Variants in COL21A1 observed in about 807,000 individuals in gnomAD.
COL21A1 encodes the protein collagen alpha-1(XXI) chain.
COL21A1 carries 149 observed loss-of-function variants against 137.9 expected under a neutral mutation model. The ratio of observed to expected loss-of-function variants is 1.08; its 90% CI spans 0.95 to 1.24. COL21A1 has a LOEUF of 1.24. Among genes scored for constraint, COL21A1 ranks in the 50% most tolerant of loss-of-function variants. COL21A1 has a pLI of 0.00. For missense variants in COL21A1, 1,167 were observed against 1,158.4 expected (o/e 1.01, Z -0.11); for synonymous variants, 456 against 391.5 (o/e 1.16, Z -1.95).
At chr6:56,304,120 T>C (rs1441093567) in intron 1 of COL21A1, among the ~76,000 whole-genome samples, 1 of 152,260 alleles carries the variant, frequency 6.6e-6, no homozygotes, top group Admixed American at 6.5e-5. Flanking sequence ...GACGTGCTGC[T>C]GGATTCGGTT....
chr6:56,310,629 T>C (rs1240947283), intron 1 of COL21A1, among the ~76,000 whole-genome samples: 1 of 152,192 alleles, frequency 6.6e-6, no homozygotes, highest in Admixed American at 6.5e-5. Context: ...TTAAATCTCT[T>C]TTTATTTTTA....
intron 1 of COL21A1, among the ~76,000 whole-genome samples, chr6:56,255,771 G>A (rs1782954595): frequency 6.6e-6 from 1 of 152,196 alleles, no homozygotes; most frequent in African/African-American, 2.4e-5. Context: ...AAAAGCTCAT[G>A]TCTGATAAGC....
intron 1 of COL21A1, among the ~76,000 whole-genome samples, chr6:56,290,796 G>T (rs772397370): frequency 3.3e-5 from 5 of 152,084 alleles, no homozygotes; most frequent in African/African-American, 1.2e-4. Context: ...CACCACGCCC[G>T]GCCAGGAAGA....
chr6:56,057,549 C>A lies in COL21A1; in HGVS notation c.*108G>T. The A allele has an allele frequency of 1.0e-6, 1 of 991,644 alleles. No homozygotes were observed. Among genetic ancestry groups the A allele is most frequent in the South Asian group, 1.5e-5 (1 of 65,630 alleles). 61.4% of individuals were successfully genotyped at this position (991,644 alleles called of 1,614,324 possible). A position where few individuals can be genotyped will look rare whatever the true frequency, so the allele number is the denominator to read the frequency against. On this transcript the variant is annotated 3_prime_UTR_variant, in exon 30 of 30. Coordinates refer to ENST00000244728, the MANE Select transcript of COL21A1 (RefSeq NM_030820.4). ...CATAAGAAAAAAAAAATAAAAACAC[C>A]GAGGTACTTAAGTTTCTTTTCAAGG...
chr6:56,368,794 G>A (rs2152349771), intron 1 of COL21A1, among the ~76,000 whole-genome samples: 1 of 152,296 alleles, frequency 6.6e-6, no homozygotes, highest in South Asian at 2.1e-4. Flanking sequence ...CAGTGGTGCT[G>A]AGGAAGAGAA....
At chr6:56,224,983 CAT>C (rs1781094946) in intron 1 of COL21A1, among the ~76,000 whole-genome samples, 1 of 151,826 alleles carries the variant, frequency 6.6e-6, no homozygotes, top group East Asian at 1.9e-4. Flanking sequence ...TAAATTGTAA[CAT>C]AAAACTAAAA....
At chr6:56,173,007 A>G (rs1777183550) in intron 3 of COL21A1, among the ~76,000 whole-genome samples, 1 of 152,182 alleles carries the variant, frequency 6.6e-6, no homozygotes, top group African/African-American at 2.4e-5. Flanking sequence ...CAGGAAAGAC[A>G]GAAAATAATT....
chr6:56,247,908 G>A (rs1449774235), upstream of COL21A1, among the ~76,000 whole-genome samples: 2 of 152,210 alleles, frequency 1.3e-5, no homozygotes, highest in Non-Finnish European at 2.9e-5. Context: ...CGCCTGCACT[G>A]ATCGAAGGAG....
chr6:56,086,239 TAGG>T (rs1446695987), intron 17 of COL21A1, among the ~76,000 whole-genome samples: 1 of 152,072 alleles, frequency 6.6e-6, no homozygotes, highest in African/African-American at 2.4e-5. Context: ...TAATGGATTT[TAGG>T]AGTTTTAACC....
intron 1 of COL21A1, among the ~76,000 whole-genome samples, chr6:56,350,957 A>G (rs146564961): frequency 2.6e-5 from 4 of 152,394 alleles, no homozygotes; most frequent in African/African-American, 9.6e-5. Flanking sequence ...ACTTGGAAAC[A>G]TAATTTGCTG....
chr6:56,157,065 AC>A, intron 9 of COL21A1, 116 bp from the exon 10 acceptor site: 1 of 584,020 alleles, frequency 1.7e-6, no homozygotes, highest in South Asian at 2.2e-5. Flanking sequence ...TATGTTAAAA[AC>A]AAAAGTAAAA....
chr6:56,076,873 G>A (rs1050104898), intron 18 of COL21A1, among the ~76,000 whole-genome samples: 3 of 151,408 alleles, frequency 2.0e-5, no homozygotes, highest in Admixed American at 6.6e-5. Context: ...GAGCAAAGAA[G>A]CAAACTGAAT....
chr6:56,240,051 T>C (rs1782186108), intron 1 of COL21A1, among the ~76,000 whole-genome samples: 1 of 152,128 alleles, frequency 6.6e-6, no homozygotes, highest in South Asian at 2.1e-4. Context: ...GGAAACCCCT[T>C]CCGCTTGGCT....
chr6:56,098,899 T>C (rs542429987), intron 17 of COL21A1, among the ~76,000 whole-genome samples: 10 of 149,598 alleles, frequency 6.7e-5, no homozygotes, highest in Admixed American at 6.2e-4. Flanking sequence ...GTATTTTTAG[T>C]AGAGACGGGG....
intron 1 of COL21A1, among the ~76,000 whole-genome samples, chr6:56,391,280 T>C (rs1170771355): frequency 6.6e-6 from 1 of 151,750 alleles, no homozygotes; most frequent in Non-Finnish European, 1.5e-5. Context: ...ATACCAAAAC[T>C]TACAAGATAC....
chr6:56,099,535 C>T (rs574553083), intron 17 of COL21A1, among the ~76,000 whole-genome samples: 6 of 152,040 alleles, frequency 3.9e-5, no homozygotes, highest in Non-Finnish European at 7.4e-5. Flanking sequence ...TGCACCCAGC[C>T]TTCACATCCT....
rs556901614 is a variant in COL21A1, at chr6:56,145,680, C to T, written c.1435-3697G>A. ...TTATTTTTCAGAACACGTTTCATGT[C>T]TCATTTTAGAACTGTAACTTTCCTA... On this transcript the variant is annotated intron_variant, in intron 10 of 29. Coordinates refer to ENST00000244728, the MANE Select transcript of COL21A1 (RefSeq NM_030820.4). Among the ~76,000 whole-genome samples, 753 of 151,926 alleles carry T rather than the reference C, an allele frequency of 5.0e-3. 8 individuals carry two copies. Among genetic ancestry groups the T allele is most frequent in the African/African-American group, 0.016 (669 of 41,444 alleles).
intron 29 of COL21A1, among the ~76,000 whole-genome samples, chr6:56,058,484 G>A (rs758849856): frequency 1.2e-4 from 19 of 152,088 alleles, no homozygotes; most frequent in Non-Finnish European, 2.4e-4. Context: ...TTTTGGGAAG[G>A]AGCACAGTGG....
At chr6:56,204,239 A>G (rs1021951474) in intron 1 of COL21A1, among the ~76,000 whole-genome samples, 38 of 152,100 alleles carry the variant, frequency 2.5e-4, no homozygotes, top group African/African-American at 8.7e-4. Context: ...AACTGGCTTG[A>G]AATTCTTGCT....
Sources: gnomAD v4.1 joint callset for allele counts (sites outside exome capture counted in the v4.1 genomes callset) on GRCh38, gnomAD v4.1.1 for gene constraint, MANE v1.5 for transcripts, NCBI Gene and HGNC (gene_info 2026-07-23, HGNC 2026-07-21) for gene names.